Variants in CBLC observed in about 807,000 individuals in gnomAD.
CBLC encodes the protein Cbl proto-oncogene C, also known as E3 ubiquitin-protein ligase CBL-C.
A neutral mutation model predicts 58.6 loss-of-function variants in CBLC; 46 were observed. The observed-to-expected ratio is 0.79, with a 90% confidence interval of 0.62 to 1.00. The LOEUF (loss-of-function observed/expected upper bound fraction) is 1.00. Among genes scored for constraint, CBLC ranks in the 50% least tolerant of loss-of-function variants. CBLC has a pLI of 0.00. For missense variants in CBLC, 655 were observed against 625.8 expected, an observed-to-expected ratio of 1.05 and a Z score of -0.50; for synonymous variants, 271 against 264.2, an observed-to-expected ratio of 1.03 and a Z score of -0.25.
rs138294568 is a variant in CBLC, at chr19:44,791,094, G to A, written c.1005+1003G>A. 2.0e-3 allele frequency among the ~76,000 whole-genome samples: 311 copies of A among 151,832 alleles called. 6 individuals carry two copies. In the East Asian group the frequency reaches 0.049, roughly 24 times the overall value. On this transcript the variant is annotated intron_variant, in intron 6 of 10. Transcript: ENST00000647358. ...AGATCACACCATTGCACTCCAGCCTGGGCAACAGAGTGAGACTTGGTCTCA... is the reference window on the plus strand; with the variant it reads ...AGATCACACCATTGCACTCCAGCCTAGGCAACAGAGTGAGACTTGGTCTCA...
intron 9 of CBLC, among the ~76,000 whole-genome samples, chr19:44,798,162 G>A (rs1348639454): frequency 2.0e-5 from 3 of 147,458 alleles, no homozygotes; most frequent in Non-Finnish European, 4.5e-5. Context: ...GGGAAAATGG[G>A]GACCAGCCTG....
At chr19:44,792,312 C>T (rs1395013444) in intron 6 of CBLC, 71 bp from the exon 7 acceptor site, 1 of 1,574,930 alleles carries the variant, frequency 6.3e-7, no homozygotes. Context: ...GATTTTCTTC[C>T]TGTGGCCCAA....
intron 5 of CBLC, among the ~76,000 whole-genome samples, chr19:44,787,413 A>C (rs1471185428): frequency 6.6e-6 from 1 of 151,916 alleles, no homozygotes; most frequent in African/African-American, 2.4e-5. Flanking sequence ...AAATAAAAAT[A>C]AAATAAAGTC....
chr19:44,781,399 T>C (rs1967727197), intron 3 of CBLC, 36 bp downstream of exon 3: 1 of 1,591,586 alleles, frequency 6.3e-7, no homozygotes, highest in South Asian at 1.1e-5. Context: ...TAGACTTGGG[T>C]CCAGGAGGAA....
At chr19:44,798,458 T>A (rs946442292) in intron 9 of CBLC, among the ~76,000 whole-genome samples, 1 of 151,844 alleles carries the variant, frequency 6.6e-6, no homozygotes, top group Non-Finnish European at 1.5e-5. Flanking sequence ...ACGTGTAATC[T>A]CAGCACTTTG....
chr19:44,790,934 A>AC (rs1173864935), intron 6 of CBLC, among the ~76,000 whole-genome samples: 2 of 151,624 alleles, frequency 1.3e-5, no homozygotes, highest in Non-Finnish European at 2.9e-5. Context: ...ACATAGTGAA[A>AC]CCCATCTCTA....
chr19:44,792,428 T>C lies in CBLC; in HGVS notation c.1051T>C (p.Cys351Arg), dbSNP rs775236973. Residue 351 changes from cysteine (C) to arginine (R), a missense_variant, in exon 7 of 11, where the codon TGC becomes CGC. Coordinates refer to ENST00000647358, the MANE Select transcript of CBLC (RefSeq NM_012116.4). ...YWAMDSTFEL[C>R]KICAESNKDV... is the part of the protein sequence containing the mutation. ...GGCCATGGACTCCACATTTGAGCTC[T>C]GCAAGATCTGTGCTGAGAGCAACAA... 6.2e-7 allele frequency: 1 copy of C among 1,613,654 alleles called. No individual in the cohort carries two copies. The highest frequency in any genetic ancestry group is 1.7e-5 in the Admixed American group (1 of 59,998).
chr19:44,791,732 C>CA (rs774565610), intron 6 of CBLC, among the ~76,000 whole-genome samples: 1,516 of 76,552 alleles, frequency 0.02, 26 homozygotes, highest in African/African-American at 0.06. Flanking sequence ...ACTGCGTCTC[C>CA]AAAAAAAAAA....
At chr19:44,785,492 G>A (rs1967875275) in intron 5 of CBLC, among the ~76,000 whole-genome samples, 1 of 151,382 alleles carries the variant, frequency 6.6e-6, no homozygotes, top group African/African-American at 2.4e-5. Context: ...ATACAAGAGA[G>A]GAGATAGGAA....
Position 44,786,365 on chromosome 19 carries a change from G to A in CBLC, c.917+1964G>A, listed in dbSNP as rs116506797. ...CCAGCACTTTGGAACACCGAGTCGC[G>A]CAGAACACGAGGTCAGGAGATCGAG... is the stretch of plus-strand genomic sequence containing the variant. On this transcript the variant is annotated intron_variant, in intron 5 of 10. Coordinates refer to ENST00000647358, the MANE Select transcript of CBLC (RefSeq NM_012116.4). Among the ~76,000 whole-genome samples the A allele has an allele frequency of 2.5e-3, 373 of 151,976 alleles. 6 individuals carry two copies. Among genetic ancestry groups the A allele is most frequent in the Non-Finnish European group, 3.8e-3 (258 of 67,946 alleles).
Position 44,789,355 on chromosome 19 carries a change from T to C in CBLC, c.918-649T>C, listed in dbSNP as rs115988763. On this transcript the variant is annotated intron_variant, in intron 5 of 10. Coordinates refer to ENST00000647358, the MANE Select transcript of CBLC (RefSeq NM_012116.4). ...TGATCTGTGACACTAAAATCTGTTA[T>C]GCTTGGGCGTGGAGAAGGGTGAGGT... 6.8e-3 allele frequency among the ~76,000 whole-genome samples: 1,041 copies of C among 152,266 alleles called. 10 individuals are homozygous for C. The highest frequency in any genetic ancestry group is 0.024 in the African/African-American group (1,003 of 41,572).
At position 44,794,201 on chromosome 19, in the gene CBLC, C is replaced by A. The variant is rs537580232; in HGVS notation, c.1285-3C>A. 9 of 1,608,120 alleles carry A rather than the reference C, an allele frequency of 5.6e-6. No individual in the cohort carries two copies. The African/African-American group carries it at 9.4e-5, about 17-fold the overall frequency. ...CCCTTCTCCTTCCTCTGTCCCACCC[C>A]AGGTGCCCCTTTCGGCTCCTCCATT... On this transcript the variant is annotated splice_region_variant and splice_polypyrimidine_tract_variant and intron_variant, in intron 8 of 10. Transcript: ENST00000647358.
intron 3 of CBLC, among the ~76,000 whole-genome samples, chr19:44,781,606 GA>G (rs1394577314): frequency 7.5e-6 from 1 of 133,882 alleles, no homozygotes; most frequent in Non-Finnish European, 1.6e-5. Context: ...GGGGGCTGGG[GA>G]CCTGGACTCC....
rs1967611363 is a variant in CBLC at position 44,777,994 on chromosome 19, A to G, written c.63A>G (p.Ala21=). 2.1e-5 allele frequency: 34 copies of G among 1,608,304 alleles called. No individual in the cohort carries two copies. Among genetic ancestry groups the G allele is most frequent in the Non-Finnish European group, 2.7e-5 (32 of 1,179,322 alleles). The change falls in exon 1 of 11, where the codon GCA becomes GCG. Residue 21 remains alanine (A), a synonymous_variant. Coordinates refer to ENST00000647358, the MANE Select transcript of CBLC (RefSeq NM_012116.4). ...AAGAGGCCCGCGCCCTGGGCCGGGC[A>G]GTCAGGATGCTGCAGCGCCTAGAAG... ...QWEEARALGR[A]VRMLQRLEEQ...
intron 8 of CBLC, among the ~76,000 whole-genome samples, chr19:44,793,905 C>A (rs551783911): frequency 6.6e-6 from 1 of 151,704 alleles, no homozygotes; most frequent in Non-Finnish European, 1.5e-5. Context: ...AATATGGGGG[C>A]CCGGACTCCT....
intron 9 of CBLC, among the ~76,000 whole-genome samples, chr19:44,797,659 G>A (rs1019430947): frequency 1.2e-4 from 18 of 150,842 alleles, no homozygotes; most frequent in Admixed American, 1.1e-3. Context: ...GGAGGCTGAG[G>A]CAGGAGAATC....
intron 5 of CBLC, among the ~76,000 whole-genome samples, chr19:44,786,631 C>T (rs1967916952): frequency 6.6e-6 from 1 of 151,850 alleles, no homozygotes; most frequent in African/African-American, 2.4e-5. Context: ...AAAAAATTGA[C>T]ACTTTATTCA....
At position 44,777,914 on chromosome 19, in the gene CBLC, G is replaced by T; in HGVS notation, c.-18G>T. Reference sequence around the variant, plus strand: ...TATCCCAGCCGCACCGGTCCTTCCCGGCACACGCGAGGCTCCCATGGCTCT... The same window carrying T: ...TATCCCAGCCGCACCGGTCCTTCCCTGCACACGCGAGGCTCCCATGGCTCT... On this transcript the variant is annotated 5_prime_UTR_variant, in exon 1 of 11. Transcript: ENST00000647358. 6.5e-7 allele frequency: 1 copy of T among 1,539,394 alleles called. No individual in the cohort carries two copies. The highest frequency in any genetic ancestry group is 1.2e-5 in the South Asian group (1 of 83,086).
chr19:44,793,977 A>G (rs1299771224), intron 8 of CBLC: 2 of 258,934 alleles, frequency 7.7e-6, no homozygotes, highest in African/African-American at 2.3e-5. Flanking sequence ...GAGGGGGCTG[A>G]TAACAAGATT....
Sources: gnomAD v4.1 joint callset for allele counts (sites outside exome capture counted in the v4.1 genomes callset) on GRCh38, gnomAD v4.1.1 for gene constraint, MANE v1.5 for transcripts, NCBI Gene and HGNC (gene_info 2026-07-23, HGNC 2026-07-21) for gene names.